The following MYADM variants were observed in gnomAD, a reference collection of about 807,000 sequenced individuals.
MYADM encodes myeloid associated differentiation marker.
For synonymous variants in MYADM, 224 were observed against 210.2 expected (o/e 1.07, Z -0.57); for missense variants, 416 against 443.4 (o/e 0.94, Z 0.56).
In MYADM at chr19:53,874,369, C is replaced by A; in HGVS notation, c.840C>A (p.Ser280Arg). The change falls in exon 3 of 3, where the codon AGC (serine) becomes AGA (arginine). Residue 280 changes from serine to arginine, a missense_variant. Transcript: ENST00000391770. ...GGCGCTCGAGAGATGTAAGCTGCAG[C>A]CGCAGCCATGCCTACTACGTGTGTG... is the stretch of plus-strand genomic sequence containing the variant. ...QPRRSRDVSCSRSHAYYVCAW... is the reference protein window; with the variant it reads ...QPRRSRDVSCRRSHAYYVCAW... 1.2e-6 allele frequency: 2 copies of A among 1,614,178 alleles called. No homozygotes were observed. Among genetic ancestry groups the A allele is most frequent in the Non-Finnish European group, 1.7e-6 (2 of 1,179,992 alleles).
rs754692319 is a variant in MYADM, at chr19:53,873,948, C to T, written c.419C>T (p.Ala140Val). 7.4e-6 allele frequency: 12 copies of T among 1,610,962 alleles called. No individual in the cohort carries two copies. The highest frequency in any genetic ancestry group is 1.0e-5 in the Non-Finnish European group (12 of 1,180,022). The change falls in exon 3 of 3, where the codon GCC (alanine) becomes GTC (valine). Residue 140 changes from alanine to valine, a missense_variant. Ala to Val is a moderately conservative substitution (Grantham distance 64). Transcript: ENST00000391770. This position sits in a 1 kb window ranked among gnomAD's most constrained non-coding sequence, Gnocchi z 4.3. ...CGTTCGCGGGACCACGCCATCGCCG[C>T]CACCTTCTTCTCCTGCATCGCGTGT... ...HGRSRDHAIAATFFSCIACVA... is the reference protein window; with the variant it reads ...HGRSRDHAIAVTFFSCIACVA...
In MYADM at chr19:53,873,863, T is replaced by G. The variant is rs2068451117; in HGVS notation, c.334T>G (p.Phe112Val). ...PITFACYAALFCLSASIIYPT... is the reference protein window; with the variant it reads ...PITFACYAALVCLSASIIYPT... The stretch of plus-strand genomic sequence containing the variant: ...CACCTTCGCCTGCTATGCGGCCCTC[T>G]TCTGCCTCTCGGCCTCCATCATCTA... The change falls in exon 3 of 3, where the codon TTC (phenylalanine) becomes GTC (valine). Residue 112 changes from phenylalanine (F) to valine (V), a missense_variant. Phe to Val is a conservative substitution (Grantham distance 50). Coordinates refer to ENST00000391770, the MANE Select transcript of MYADM (RefSeq NM_138373.5). This position sits in a 1 kb window ranked among gnomAD's most constrained non-coding sequence, Gnocchi z 4.3. 1 of 1,613,540 alleles carries G rather than the reference T, an allele frequency of 6.2e-7. No individual in the cohort carries two copies. The highest frequency in any genetic ancestry group is 8.5e-7 in the Non-Finnish European group (1 of 1,180,042).
At position 53,873,636 on chromosome 19, in the gene MYADM, T is replaced by C; in HGVS notation, c.107T>C (p.Leu36Pro). 6.2e-7 allele frequency: 1 copy of C among 1,614,140 alleles called. No individual in the cohort carries two copies. Among genetic ancestry groups the C allele is most frequent in the Non-Finnish European group, 8.5e-7 (1 of 1,180,032 alleles). The change falls in exon 3 of 3, where the codon CTG becomes CCG. Residue 36 changes from leucine to proline, a missense_variant. Physicochemically the swap from Leu to Pro is moderately conservative, Grantham distance 98. Coordinates refer to ENST00000391770, the MANE Select transcript of MYADM (RefSeq NM_138373.5). This position sits in a 1 kb window ranked among gnomAD's most constrained non-coding sequence, Gnocchi z 4.3. ...VGSPRALTQP[L>P]GLLRLLQLVS... Reference sequence around the variant, plus strand: ...TCCCCTCGGGCCCTGACACAGCCCCTGGGTCTCCTTCGCCTGCTGCAGCTG... The same window carrying C: ...TCCCCTCGGGCCCTGACACAGCCCCCGGGTCTCCTTCGCCTGCTGCAGCTG...
In MYADM at chr19:53,873,058, A is replaced by T. The variant is rs1309506967; in HGVS notation, c.-2-470A>T. Among the ~76,000 whole-genome samples the T allele has an allele frequency of 6.6e-6, 1 of 152,132 alleles. No individual in the cohort carries two copies. The highest frequency in any genetic ancestry group is 1.5e-5 in the Non-Finnish European group (1 of 68,024). On this transcript the variant is annotated intron_variant, in intron 2 of 2. Coordinates refer to ENST00000391770, the MANE Select transcript of MYADM (RefSeq NM_138373.5). This position sits in a 1 kb window ranked among gnomAD's most constrained non-coding sequence, Gnocchi z 4.3. Reference sequence around the variant, plus strand: ...CCGGAGGGGACAGGCTCATCCCTGTATGCCCAGGACTGTCCCCATTTGAAA... The same window carrying T: ...CCGGAGGGGACAGGCTCATCCCTGTTTGCCCAGGACTGTCCCCATTTGAAA...
chr19:53,871,006 G>T (rs1301911145), intron 2 of MYADM, among the ~76,000 whole-genome samples: 1 of 152,160 alleles, frequency 6.6e-6, no homozygotes, highest in Non-Finnish European at 1.5e-5. Flanking sequence ...CAAGGCGGGC[G>T]GATCACTTGA....
Position 53,874,007 on chromosome 19 carries a change from G to A in MYADM, c.478G>A (p.Ala160Thr). 5 of 1,608,416 alleles carry A rather than the reference G, an allele frequency of 3.1e-6. No individual in the cohort carries two copies. The highest frequency in any genetic ancestry group is 2.5e-6 in the Non-Finnish European group (3 of 1,179,992). The change falls in exon 3 of 3, where the codon GCC becomes ACC. Residue 160 changes from alanine to threonine, a missense_variant. Ala to Thr is a moderately conservative substitution (Grantham distance 58, BLOSUM62 0). Coordinates refer to ENST00000391770, the MANE Select transcript of MYADM (RefSeq NM_138373.5). ...AYATEVAWTR[A>T]RPGEITGYMA... ...CGCCACCGAAGTGGCCTGGACCCGGGCCCGGCCCGGCGAGATCACTGGCTA... is the reference window on the plus strand; with the variant it reads ...CGCCACCGAAGTGGCCTGGACCCGGACCCGGCCCGGCGAGATCACTGGCTA...
chr19:53,871,869 T>G (rs973107238), intron 2 of MYADM, among the ~76,000 whole-genome samples: 4 of 151,928 alleles, frequency 2.6e-5, no homozygotes, highest in Admixed American at 1.3e-4. Flanking sequence ...GAGGATGCTT[T>G]ATTTTTTATT....
Position 53,874,076 on chromosome 19 carries a change from G to C in MYADM, c.547G>C (p.Val183Leu). The change falls in exon 3 of 3, where the codon GTT becomes CTT. Residue 183 changes from valine to leucine, a missense_variant. Val to Leu is a conservative substitution (Grantham distance 32). Coordinates refer to ENST00000391770, the MANE Select transcript of MYADM (RefSeq NM_138373.5). ...GCTGCTGAAGGTGCTGGAGACCTTC[G>C]TTGCCTGCATCATCTTCGCGTTCAT... ...PGLLKVLETF[V>L]ACIIFAFISD... 6.2e-7 allele frequency: 1 copy of C among 1,611,258 alleles called. No individual in the cohort carries two copies. Among genetic ancestry groups the C allele is most frequent in the East Asian group, 2.2e-5 (1 of 44,868 alleles).
chr19:53,872,542 C>G (rs1288129848), intron 2 of MYADM, among the ~76,000 whole-genome samples: 7 of 151,488 alleles, frequency 4.6e-5, no homozygotes, highest in African/African-American at 1.5e-4. Context: ...GGGTCTCACT[C>G]TGTCTCCCAG....
At position 53,875,226 on chromosome 19, in the gene MYADM, G is replaced by A; in HGVS notation, c.*728G>A. Reference sequence around the variant, plus strand: ...TGTGTGTGTGTGTGTGTGTGTGTGTGTGTGTTTGGGGGGTGGGGGGTGGGT... The same window carrying A: ...TGTGTGTGTGTGTGTGTGTGTGTGTATGTGTTTGGGGGGTGGGGGGTGGGT... On this transcript the variant is annotated 3_prime_UTR_variant, in exon 3 of 3. Transcript: ENST00000391770. 1.2e-5 allele frequency: 1 copy of A among 83,118 alleles called. No homozygotes were observed. 5.1% of individuals were successfully genotyped at this position (83,118 alleles called of 1,614,324 possible). A position where few individuals can be genotyped will look rare whatever the true frequency, so the allele number is the denominator to read the frequency against.
At chr19:53,866,873 A>G (rs1049968803), upstream of MYADM, among the ~76,000 whole-genome samples, 1 of 152,110 alleles carries the variant, frequency 6.6e-6, no homozygotes, top group Non-Finnish European at 1.5e-5. This position sits in a 1 kb window ranked among gnomAD's most constrained non-coding sequence, Gnocchi z 4.3. Flanking sequence ...TATGTTGCCC[A>G]GGCTGGTCTC....
At chr19:53,872,084 A>C (rs1163554099) in intron 2 of MYADM, among the ~76,000 whole-genome samples, 1 of 151,754 alleles carries the variant, frequency 6.6e-6, no homozygotes, top group African/African-American at 2.4e-5. Context: ...TTTTTAGTAG[A>C]GACGGGGTTT....
rs559612074 is a variant in MYADM, at chr19:53,872,990, A to G, written c.-2-538A>G. Among the ~76,000 whole-genome samples the G allele has an allele frequency of 1.8e-3, 272 of 152,100 alleles. 2 individuals are homozygous for G. Among genetic ancestry groups the G allele is most frequent in the African/African-American group, 5.9e-3 (244 of 41,488 alleles). ...GAGAAGGAGGAAAATAGGGGCCTAG[A>G]CTCCTGGATTCTGATACGAGTAGGG... On this transcript the variant is annotated intron_variant, in intron 2 of 2. Transcript: ENST00000391770.
intron 2 of MYADM, among the ~76,000 whole-genome samples, chr19:53,872,058 C>A (rs1302753445): frequency 1.3e-5 from 2 of 151,818 alleles, no homozygotes; most frequent in Non-Finnish European, 2.9e-5. Context: ...ACCACCACAC[C>A]CAGCTGATTT....
intron 2 of MYADM, among the ~76,000 whole-genome samples, chr19:53,870,384 C>T (rs1266521089): frequency 1.8e-5 from 2 of 113,632 alleles, no homozygotes; most frequent in East Asian, 2.1e-4. Context: ...GGCCTGGGCT[C>T]CTGGGTCTGA....
At position 53,873,937 on chromosome 19, in the gene MYADM, C is replaced by T. The variant is rs928388680; in HGVS notation, c.408C>T (p.His136=). 3.1e-6 allele frequency: 5 copies of T among 1,611,104 alleles called. No homozygotes were observed. The East Asian group carries it at 8.9e-5, about 29-fold the overall frequency. ...TGTCCCACGGCCGTTCGCGGGACCA[C>T]GCCATCGCCGCCACCTTCTTCTCCT... ...QFLSHGRSRD[H]AIAATFFSCI... is the part of the protein sequence containing the mutation. The change falls in exon 3 of 3, where the codon CAC becomes CAT. Residue 136 remains histidine, a synonymous_variant. Transcript: ENST00000391770. This position sits in a 1 kb window ranked among gnomAD's most constrained non-coding sequence, Gnocchi z 4.3.
Position 53,873,800 on chromosome 19 carries a change from C to T in MYADM, c.271C>T (p.Gln91Ter). The change falls in exon 3 of 3, where the codon CAG (glutamine) becomes TAG (stop). Residue 91 changes from glutamine (Q) to a stop codon, truncating the protein, a stop_gained. Coordinates refer to ENST00000391770, the MANE Select transcript of MYADM (RefSeq NM_138373.5). LOFTEE classifies it low-confidence loss of function (END_TRUNC). The surrounding 1 kb of genome is among the most constrained non-coding windows in gnomAD (Gnocchi z 4.3). Reference protein sequence around the residue: ...IILIVELCGLQARFPLSWRNF... With the variant: ...IILIVELCGL ...CCTCATCGTGGAGCTGTGCGGGCTC[C>T]AGGCCCGCTTCCCCCTGTCTTGGCG... The T allele has an allele frequency of 1.9e-6, 3 of 1,613,786 alleles. No homozygotes were observed. Among genetic ancestry groups the T allele is most frequent in the Non-Finnish European group, 2.5e-6 (3 of 1,180,024 alleles).
rs868256449 is a variant in MYADM, at chr19:53,870,308, A to T, written c.-3+470A>T. Among the ~76,000 whole-genome samples, 4 of 44,130 alleles carry T rather than the reference A, an allele frequency of 9.1e-5. No individual in the cohort carries two copies. In the South Asian group the frequency reaches 3.6e-3, roughly 39 times the overall value. 29.0% of individuals were successfully genotyped at this position (44,130 alleles called of 152,430 possible). On this transcript the variant is annotated intron_variant, in intron 2 of 2. Coordinates refer to ENST00000391770, the MANE Select transcript of MYADM (RefSeq NM_138373.5). The stretch of plus-strand genomic sequence containing the variant: ...GAGGGAGGAGGGGCTGGGGGCCTGG[A>T]CTCCGGGGTCCGAGGGAGGAGGGGC...
In MYADM at chr19:53,874,748, T is replaced by C; in HGVS notation, c.*250T>C. On this transcript the variant is annotated 3_prime_UTR_variant, in exon 3 of 3. Transcript: ENST00000391770. ...GTTGCCCACATCCTGTTTTCACCCC[T>C]GAGCTGTTTCTCTTTTTCTTTTCTT... 2.7e-6 allele frequency: 1 copy of C among 369,712 alleles called. No individual in the cohort carries two copies. Among genetic ancestry groups the C allele is most frequent in the South Asian group, 9.6e-5 (1 of 10,372 alleles). The allele number at this position is 369,712 out of a possible 1,614,324, so 22.9% of individuals were successfully genotyped here. A position where few individuals can be genotyped will look rare whatever the true frequency, so the allele number is the denominator to read the frequency against.
Sources: gnomAD v4.1 joint callset for allele counts (sites outside exome capture counted in the v4.1 genomes callset) on GRCh38, gnomAD v4.1.1 for gene constraint, Gnocchi (gnomAD v3.1) non-coding constraint, MANE v1.5 for transcripts, NCBI Gene and HGNC (gene_info 2026-07-23, HGNC 2026-07-21) for gene names.